The following XKR9 variants were observed in gnomAD, a reference collection of about 807,000 sequenced individuals.
XKR9 encodes the protein XK-related protein 9.
A neutral mutation model predicts 32.0 loss-of-function variants in XKR9; 32 were observed. That is an observed-to-expected ratio of 1.00 (90% CI 0.76 to 1.34). XKR9 has a LOEUF of 1.34. XKR9 is among the 40% of genes most tolerant of loss of function. The probability of loss-of-function intolerance (pLI) is 0.00; values close to 1 mark genes in which losing one functional copy is unlikely to be tolerated. For missense variants in XKR9, 546 were observed against 429.7 expected, an observed-to-expected ratio of 1.27 and a Z score of -2.39; for synonymous variants, 168 against 143.4, an observed-to-expected ratio of 1.17 and a Z score of -1.22.
the XKR9 span, among the ~76,000 whole-genome samples, chr8:70,811,702 A>G: frequency 3.0e-4 from 46 of 152,250 alleles, 1 homozygote; most frequent in African/African-American, 9.6e-4. Flanking sequence ...AGAAATGGAT[A>G]AATTCCTCAA....
intron 2 of XKR9, among the ~76,000 whole-genome samples, chr8:70,757,548 CATGT>C (rs57117853): frequency 0.067 from 10,084 of 150,276 alleles, 393 homozygotes; most frequent in Non-Finnish European, 0.08. Flanking sequence ...CTTCTTTCAT[CATGT>C]ATGTATGTAT....
At chr8:70,719,144 AC>A (rs1305283627) in intron 4 of XKR9, among the ~76,000 whole-genome samples, 1 of 151,414 alleles carries the variant, frequency 6.6e-6, no homozygotes, top group Non-Finnish European at 1.5e-5. Context: ...TCCTTCACTG[AC>A]TTTTTGATGG....
the XKR9 span, among the ~76,000 whole-genome samples, chr8:70,940,260 G>A: frequency 1.3e-5 from 2 of 151,984 alleles, no homozygotes; most frequent in South Asian, 2.1e-4. Flanking sequence ...TGTTGCCACC[G>A]ACAGGGAGCA....
At chr8:70,695,950 G>C (rs1316756576) in intron 3 of XKR9, among the ~76,000 whole-genome samples, 4 of 151,690 alleles carry the variant, frequency 2.6e-5, no homozygotes, top group Non-Finnish European at 5.9e-5. Flanking sequence ...ATTTTTTCAT[G>C]TGTTTTTTGG....
chr8:70,970,961 C>T, the XKR9 span, among the ~76,000 whole-genome samples: 4 of 152,142 alleles, frequency 2.6e-5, no homozygotes, highest in Non-Finnish European at 4.4e-5. Flanking sequence ...TGGGTATATA[C>T]CCAAAGGATT....
At chr8:70,745,571 C>T (rs1282594414) in intron 2 of XKR9, among the ~76,000 whole-genome samples, 1 of 152,084 alleles carries the variant, frequency 6.6e-6, no homozygotes, top group Non-Finnish European at 1.5e-5. Flanking sequence ...TTAGGTAGGG[C>T]TTGAAATTTG....
the XKR9 span, among the ~76,000 whole-genome samples, chr8:70,880,208 C>A: frequency 6.6e-6 from 1 of 151,996 alleles, no homozygotes; most frequent in Non-Finnish European, 1.5e-5. Flanking sequence ...CTTTGAAAAC[C>A]GGCACAAGAC....
chr8:70,723,406 G>T (rs1806348602), intron 4 of XKR9, among the ~76,000 whole-genome samples: 1 of 152,122 alleles, frequency 6.6e-6, no homozygotes. Flanking sequence ...GGAATTTTCA[G>T]CATTTTTGTG....
At chr8:70,872,738 G>A in the XKR9 span, among the ~76,000 whole-genome samples, 1 of 152,026 alleles carries the variant, frequency 6.6e-6, no homozygotes. Context: ...TCAGCTCACT[G>A]CAACCTCTTC....
chr8:70,946,062 G>C, the XKR9 span, among the ~76,000 whole-genome samples: 3 of 152,106 alleles, frequency 2.0e-5, no homozygotes, highest in Non-Finnish European at 4.4e-5. Flanking sequence ...TTGAACCTGG[G>C]AGGCGGAGGT....
At chr8:70,774,913 GA>G (rs1807498950) in intron 2 of XKR9, among the ~76,000 whole-genome samples, 1 of 151,848 alleles carries the variant, frequency 6.6e-6, no homozygotes, top group Admixed American at 6.6e-5. Flanking sequence ...TTACCTTTTA[GA>G]AAAAACCTGA....
the XKR9 span, among the ~76,000 whole-genome samples, chr8:70,877,373 ATTACT>A: frequency 2.6e-5 from 4 of 152,196 alleles, no homozygotes; most frequent in African/African-American, 7.2e-5. Context: ...ATTATGGCAC[ATTACT>A]TTAACCTTCA....
chr8:70,941,573 G>A, the XKR9 span, among the ~76,000 whole-genome samples: 1 of 152,096 alleles, frequency 6.6e-6, no homozygotes. Context: ...GGATTGGGAG[G>A]TGTGGCTAAT....
At chr8:71,040,990 T>C in the XKR9 span, among the ~76,000 whole-genome samples, 1 of 152,152 alleles carries the variant, frequency 6.6e-6, no homozygotes, top group African/African-American at 2.4e-5. Flanking sequence ...CAACTGGAAA[T>C]AACTATTTTT....
downstream of XKR9, among the ~76,000 whole-genome samples, chr8:70,794,608 G>T (rs1807804925): frequency 6.6e-6 from 1 of 152,022 alleles, no homozygotes; most frequent in African/African-American, 2.4e-5. Flanking sequence ...GATCATGAGT[G>T]TGTGTAGTTT....
the XKR9 span, among the ~76,000 whole-genome samples, chr8:70,934,544 C>A: frequency 6.6e-6 from 1 of 151,852 alleles, no homozygotes; most frequent in Admixed American, 6.6e-5. Context: ...TCCCTTAATC[C>A]TGCACAATTC....
At chr8:70,822,999 AAT>A in the XKR9 span, among the ~76,000 whole-genome samples, 2 of 152,212 alleles carry the variant, frequency 1.3e-5, no homozygotes, top group Admixed American at 6.5e-5. Context: ...ATACTTTATA[AAT>A]AATTTCCACC....
chr8:71,055,124 A>G, the XKR9 span, among the ~76,000 whole-genome samples: 2 of 152,238 alleles, frequency 1.3e-5, no homozygotes, highest in African/African-American at 2.4e-5. Flanking sequence ...AATCTTTAAT[A>G]TACTCATTAG....
At chr8:71,033,588 C>A in the XKR9 span, among the ~76,000 whole-genome samples, 8 of 151,944 alleles carry the variant, frequency 5.3e-5, no homozygotes, top group African/African-American at 1.7e-4. Flanking sequence ...GAGGTGGATC[C>A]CTCATGAATA....
Sources: gnomAD v4.1 joint callset for allele counts (sites outside exome capture counted in the v4.1 genomes callset) on GRCh38, gnomAD v4.1.1 for gene constraint, MANE v1.5 for transcripts, NCBI Gene and HGNC (gene_info 2026-07-23, HGNC 2026-07-21) for gene names.